Variants in SYN3 observed in about 807,000 individuals in gnomAD.
SYN3 encodes the protein synapsin III.
Under a neutral mutation model 65.8 loss-of-function variants are expected in SYN3, and 35 were observed. The ratio of observed to expected loss-of-function variants is 0.53; its 90% confidence interval spans 0.41 to 0.70. The LOEUF (loss-of-function observed/expected upper bound fraction) is 0.70, where lower values mean the gene tolerates loss of function less well. SYN3 is among the 30% of genes least tolerant of loss of function. The probability of loss-of-function intolerance (pLI) is 0.00; values close to 1 mark genes in which losing one functional copy is unlikely to be tolerated. For missense variants in SYN3, 680 were observed against 749.0 expected, an observed-to-expected ratio of 0.91 and a Z score of 1.08; for synonymous variants, 270 against 292.9, an observed-to-expected ratio of 0.92 and a Z score of 0.80.
chr22:32,529,413 G>A (rs987721756), intron 10 of SYN3, among the ~76,000 whole-genome samples: 10 of 152,190 alleles, frequency 6.6e-5, no homozygotes, highest in Non-Finnish European at 1.0e-4. Flanking sequence ...AAACAGTAAA[G>A]GTGGGGGCTT....
intron 6 of SYN3, among the ~76,000 whole-genome samples, chr22:32,610,206 G>A (rs889436101): frequency 2.0e-5 from 3 of 151,992 alleles, no homozygotes; most frequent in East Asian, 1.9e-4. Context: ...GCTTGAACCC[G>A]GGAGGCAGAG....
intron 6 of SYN3, among the ~76,000 whole-genome samples, chr22:32,633,786 A>AT (rs11297430): frequency 2.2e-4 from 32 of 146,364 alleles, no homozygotes; most frequent in Admixed American, 6.9e-4. Flanking sequence ...TCTCAATCTC[A>AT]TTTTTTTTTT....
At chr22:32,923,223 G>T (rs929111) in intron 4 of SYN3, among the ~76,000 whole-genome samples, 81,755 of 151,860 alleles carry the variant, frequency 0.54, 23,660 homozygotes, top group African/African-American at 0.76. Context: ...AACCAGGAGC[G>T]TTGATGTCCA....
At chr22:32,880,038 T>C (rs962265580) in intron 4 of SYN3, among the ~76,000 whole-genome samples, 4 of 152,148 alleles carry the variant, frequency 2.6e-5, no homozygotes, top group African/African-American at 9.7e-5. Flanking sequence ...GGGATGATTG[T>C]CTCCCATGCC....
rs149735353 is a variant in SYN3 at position 32,621,096 on chromosome 22, G to A, written c.712-24360C>T. On this transcript the variant is annotated intron_variant, in intron 6 of 13. Coordinates refer to ENST00000358763, the MANE Select transcript of SYN3 (RefSeq NM_003490.4). The stretch of plus-strand genomic sequence containing the variant: ...GGACTGCTAATGCAGAAGGGTTCTG[G>A]AGCAAGAGCACATGACCATGTAAGA... Among the ~76,000 whole-genome samples the A allele has an allele frequency of 1.7e-3, 264 of 152,198 alleles. 1 individual carries two copies. The highest frequency in any genetic ancestry group is 0.01 in the Middle Eastern group (3 of 294).
At chr22:32,709,089 C>T (rs2060920216) in intron 6 of SYN3, among the ~76,000 whole-genome samples, 1 of 152,244 alleles carries the variant, frequency 6.6e-6, no homozygotes, top group Non-Finnish European at 1.5e-5. Flanking sequence ...GCTCTGGCCA[C>T]ACTGTGGTTG....
chr22:32,665,302 G>T (rs76237724), intron 6 of SYN3, among the ~76,000 whole-genome samples: 2 of 151,980 alleles, frequency 1.3e-5, no homozygotes, highest in African/African-American at 2.4e-5. Context: ...CTGGCCCATT[G>T]TATCCTCCTT....
At chr22:33,024,259 T>A (rs2053604645) in intron 1 of SYN3, among the ~76,000 whole-genome samples, 1 of 152,218 alleles carries the variant, frequency 6.6e-6, no homozygotes, top group Non-Finnish European at 1.5e-5. Flanking sequence ...CTCTTGAGCT[T>A]CTTTCCATCA....
intron 7 of SYN3, among the ~76,000 whole-genome samples, chr22:32,579,099 A>G (rs1358181317): frequency 6.6e-6 from 1 of 152,192 alleles, no homozygotes; most frequent in Non-Finnish European, 1.5e-5. Context: ...TCATCTCTGA[A>G]TCTTAACCAT....
At chr22:32,843,299 TCTC>T (rs1440188306) in intron 6 of SYN3, among the ~76,000 whole-genome samples, 5 of 152,216 alleles carry the variant, frequency 3.3e-5, no homozygotes, top group Non-Finnish European at 5.9e-5. Context: ...TTCCCTTCCT[TCTC>T]CTCTAGATTC....
chr22:32,948,366 G>A (rs548185158), intron 3 of SYN3, among the ~76,000 whole-genome samples: 2 of 152,216 alleles, frequency 1.3e-5, no homozygotes, highest in South Asian at 2.1e-4. Flanking sequence ...AATTCCTAAC[G>A]ACAAATATTT....
chr22:32,518,495 G>T, intron 12 of SYN3, 161 bp from the exon 13 acceptor site: 1 of 840,248 alleles, frequency 1.2e-6, no homozygotes, highest in Non-Finnish European at 2.0e-6. Flanking sequence ...AAGTAATTAG[G>T]AACATTAAGA....
chr22:32,527,603 GAAAAAA>G (rs130455), intron 12 of SYN3: 3 of 175,340 alleles, frequency 1.7e-5, no homozygotes, highest in Non-Finnish European at 3.4e-5. Flanking sequence ...TGTCTCAAAA[GAAAAAA>G]AAAAAAAAGG....
intron 6 of SYN3, among the ~76,000 whole-genome samples, chr22:32,835,449 G>T (rs1222024941): frequency 6.6e-6 from 1 of 152,122 alleles, no homozygotes; most frequent in Non-Finnish European, 1.5e-5. Flanking sequence ...CAAAACAGGG[G>T]TTCTGTTCTA....
At chr22:32,597,816 C>T (rs1405693305) in intron 6 of SYN3, among the ~76,000 whole-genome samples, 1 of 152,106 alleles carries the variant, frequency 6.6e-6, no homozygotes, top group East Asian at 1.9e-4. Flanking sequence ...CAATCAGGCC[C>T]CTCAGCAAGA....
chr22:32,645,783 G>C (rs1569120442), intron 6 of SYN3, among the ~76,000 whole-genome samples: 1 of 151,890 alleles, frequency 6.6e-6, no homozygotes, highest in Non-Finnish European at 1.5e-5. Flanking sequence ...GGAGACAACA[G>C]ATTTGGGAGA....
chr22:32,541,552 C>T lies in SYN3; in HGVS notation c.917+19G>A. The T allele has an allele frequency of 6.2e-7, 1 of 1,613,878 alleles. No homozygotes were observed. Among genetic ancestry groups the T allele is most frequent in the Non-Finnish European group, 8.5e-7 (1 of 1,179,826 alleles). ...TGCCTTCCTCCCACACTCCCCCAGC[C>T]CCTGCCCCAGAGACTCACATGTAAG... is the stretch of plus-strand genomic sequence containing the variant. On this transcript the variant is annotated intron_variant, in intron 8 of 13. Transcript: ENST00000358763.
intron 1 of SYN3, among the ~76,000 whole-genome samples, chr22:33,009,099 G>A (rs1255009680): frequency 2.0e-5 from 3 of 152,092 alleles, no homozygotes; most frequent in Admixed American, 6.6e-5. Context: ...GATGATGAAT[G>A]GATGGATGGA....
chr22:32,934,115 A>G (rs1175632227), intron 3 of SYN3, among the ~76,000 whole-genome samples: 1 of 152,210 alleles, frequency 6.6e-6, no homozygotes, highest in Non-Finnish European at 1.5e-5. Context: ...CAGTCCCATC[A>G]TGTTCAAGAT....
Sources: allele counts gnomAD v4.1 joint callset (sites outside exome capture counted in the v4.1 genomes callset), GRCh38; gene constraint gnomAD v4.1.1; transcripts MANE v1.5; gene names NCBI Gene and HGNC (gene_info 2026-07-23, HGNC 2026-07-21).